The following STXBP5L variants were observed in gnomAD, a reference collection of about 807,000 sequenced individuals.
STXBP5L encodes the protein syntaxin-binding protein 5-like.
A neutral mutation model predicts 144.5 loss-of-function variants in STXBP5L; 65 were observed. That is an observed-to-expected ratio of 0.45 (90% CI 0.37 to 0.55). The LOEUF (loss-of-function observed/expected upper bound fraction) is 0.55. STXBP5L is among the 20% of genes least tolerant of loss of function. The pLI, the probability that STXBP5L is intolerant of heterozygous loss-of-function variation, is 0.00. For missense variants in STXBP5L, 1,298 were observed against 1,405.5 expected, an observed-to-expected ratio of 0.92 and a Z score of 1.22; for synonymous variants, 505 against 469.6, an observed-to-expected ratio of 1.08 and a Z score of -0.97.
Position 121,150,212 on chromosome 3 carries a change from G to C in STXBP5L, c.670-2265G>C, listed in dbSNP as rs150877325. On this transcript the variant is annotated intron_variant, in intron 7 of 26. Coordinates refer to ENST00000471454, the MANE Select transcript of STXBP5L (RefSeq NM_001308330.2). Reference sequence around the variant, plus strand: ...CTATTTTTTTCAGACACTAGTGTAGGTTCTAATGATATCATGGTGAAGAAG... The same window carrying C: ...CTATTTTTTTCAGACACTAGTGTAGCTTCTAATGATATCATGGTGAAGAAG... Among the ~76,000 whole-genome samples, 648 of 152,096 alleles carry C rather than the reference G, an allele frequency of 4.3e-3. 5 individuals carry two copies. The highest frequency in any genetic ancestry group is 0.015 in the African/African-American group (618 of 41,506).
chr3:120,940,262 A>G (rs1465186349), intron 2 of STXBP5L, among the ~76,000 whole-genome samples: 1 of 152,026 alleles, frequency 6.6e-6, no homozygotes, highest in African/African-American at 2.4e-5. Flanking sequence ...TACTCTGGGG[A>G]GAGAAGCTAG....
At position 120,954,966 on chromosome 3, in the gene STXBP5L, G is replaced by A. The variant is rs756672476; in HGVS notation, c.216G>A (p.Gln72=). The A allele has an allele frequency of 4.3e-6, 7 of 1,612,438 alleles. No individual in the cohort carries two copies. In the East Asian group the frequency reaches 1.6e-4, roughly 36 times the overall value. The change falls in exon 3 of 27, where the codon CAG becomes CAA. Residue 72 remains glutamine (Q), a synonymous_variant. Transcript: ENST00000471454. ...CKTVRHGFPH[Q]PTALAFDPVQ... ...CAGTTCGGCATGGTTTTCCTCATCAGCCCACAGCATTAGCCTTTGATCCAG... is the reference window on the plus strand; with the variant it reads ...CAGTTCGGCATGGTTTTCCTCATCAACCCACAGCATTAGCCTTTGATCCAG...
intron 2 of STXBP5L, among the ~76,000 whole-genome samples, chr3:120,951,278 G>T (rs1711203518): frequency 6.6e-6 from 1 of 152,074 alleles, no homozygotes; most frequent in African/African-American, 2.4e-5. Flanking sequence ...AAAAGCAATG[G>T]CAACAAAAGC....
At chr3:120,976,071 G>A (rs868629386) in intron 3 of STXBP5L, among the ~76,000 whole-genome samples, 1 of 152,156 alleles carries the variant, frequency 6.6e-6, no homozygotes, top group African/African-American at 2.4e-5. Context: ...AAATGAGTTA[G>A]GGAGGTTTTC....
intron 7 of STXBP5L, among the ~76,000 whole-genome samples, chr3:121,133,656 G>C (rs779715329): frequency 9.9e-5 from 15 of 152,172 alleles, no homozygotes; most frequent in Non-Finnish European, 2.1e-4. Context: ...GAAGCAAAAG[G>C]GAAGCAAGAT....
At chr3:121,024,454 A>T (rs538770749) in intron 3 of STXBP5L, among the ~76,000 whole-genome samples, 43 of 151,760 alleles carry the variant, frequency 2.8e-4, no homozygotes, top group Non-Finnish European at 4.7e-4. Context: ...AGATATCTCT[A>T]CTCTTGGTGT....
intron 5 of STXBP5L, among the ~76,000 whole-genome samples, chr3:121,071,565 G>T (rs2041813183): frequency 6.6e-6 from 1 of 152,174 alleles, no homozygotes; most frequent in Non-Finnish European, 1.5e-5. Context: ...CAGCTATGAT[G>T]AACCCAAGGT....
intron 20 of STXBP5L, among the ~76,000 whole-genome samples, chr3:121,348,358 C>T (rs1207598005): frequency 6.6e-6 from 1 of 152,114 alleles, no homozygotes; most frequent in Non-Finnish European, 1.5e-5. Flanking sequence ...ATTCGGTTTG[C>T]CAGTATTTTA....
intron 2 of STXBP5L, among the ~76,000 whole-genome samples, chr3:120,943,094 A>G (rs1478350699): frequency 6.6e-6 from 1 of 151,698 alleles, no homozygotes; most frequent in African/African-American, 2.4e-5. Context: ...TCCATGAAAA[A>G]GAAAAAGTAT....
In STXBP5L at chr3:121,117,001, C is replaced by T. The variant is rs72956077; in HGVS notation, c.605+1942C>T. On this transcript the variant is annotated intron_variant, in intron 6 of 26. Transcript: ENST00000471454. ...AATTTGTTATCTTAAGCAAATTAAA[C>T]ATTTCACCACTCTTGCAATGCTGTT... is the stretch of plus-strand genomic sequence containing the variant. Among the ~76,000 whole-genome samples the T allele has an allele frequency of 2.5e-3, 377 of 152,020 alleles. 2 individuals carry two copies. The highest frequency in any genetic ancestry group is 8.5e-3 in the African/African-American group (354 of 41,544).
chr3:121,051,190 A>G (rs969813336), intron 5 of STXBP5L, among the ~76,000 whole-genome samples: 112 of 152,292 alleles, frequency 7.4e-4, no homozygotes, highest in Middle Eastern at 3.4e-3. Context: ...ACAGAAAGTT[A>G]ACAAGGATAC....
rs567782073 is a variant in STXBP5L at position 121,182,045 on chromosome 3, A to G, written c.878-23878A>G. Among the ~76,000 whole-genome samples the G allele has an allele frequency of 8.3e-4, 126 of 152,318 alleles. 2 individuals carry two copies. Among genetic ancestry groups the G allele is most frequent in the Non-Finnish European group, 5.9e-5 (4 of 68,028 alleles). ...TGAAACAATTACTACTAGACCTAAGAAATGAGAGAGATGGCAACACAGTAA... is the reference window on the plus strand; with the variant it reads ...TGAAACAATTACTACTAGACCTAAGGAATGAGAGAGATGGCAACACAGTAA... On this transcript the variant is annotated intron_variant, in intron 9 of 26. Transcript: ENST00000471454.
At chr3:121,046,942 T>A (rs1947559132) in intron 5 of STXBP5L, among the ~76,000 whole-genome samples, 1 of 152,092 alleles carries the variant, frequency 6.6e-6, no homozygotes, top group African/African-American at 2.4e-5. Context: ...CTAGGTGTAA[T>A]GTTAGGTTGC....
chr3:121,016,215 C>G (rs962649732), intron 3 of STXBP5L, among the ~76,000 whole-genome samples: 3 of 152,006 alleles, frequency 2.0e-5, no homozygotes, highest in African/African-American at 7.3e-5. Flanking sequence ...ATTCCAAAGA[C>G]CAGAAAAAAT....
intron 2 of STXBP5L, among the ~76,000 whole-genome samples, chr3:120,938,481 T>C (rs745788055): frequency 2.6e-5 from 4 of 152,204 alleles, no homozygotes; most frequent in Admixed American, 6.5e-5. Flanking sequence ...GTTTTTGATA[T>C]ATGCGACCAA....
Position 120,921,002 on chromosome 3 carries a change from C to T in STXBP5L, c.189+11235C>T, listed in dbSNP as rs570083189. Reference sequence around the variant, plus strand: ...GATTTCCTTTCTTTTGAACATATACCGAGTAGTGCAATTGCTGGTTGTTCT... The same window carrying T: ...GATTTCCTTTCTTTTGAACATATACTGAGTAGTGCAATTGCTGGTTGTTCT... On this transcript the variant is annotated intron_variant, in intron 2 of 26. Transcript: ENST00000471454. Among the ~76,000 whole-genome samples, 10 of 151,684 alleles carry T rather than the reference C, an allele frequency of 6.6e-5. No homozygotes were observed. The South Asian group carries it at 8.3e-4, about 13-fold the overall frequency.
At chr3:121,188,529 C>T in intron 9 of STXBP5L, among the ~76,000 whole-genome samples, 1 of 151,214 alleles carries the variant, frequency 6.6e-6, no homozygotes, top group East Asian at 2.0e-4. Context: ...AGACCAATAT[C>T]CCTGATGAAC....
intron 5 of STXBP5L, among the ~76,000 whole-genome samples, chr3:121,064,476 A>G (rs1201808420): frequency 1.3e-5 from 2 of 152,126 alleles, no homozygotes; most frequent in African/African-American, 4.8e-5. Flanking sequence ...AAATTCCACA[A>G]ACACCCTTGT....
chr3:121,039,820 G>T (rs1198769483), intron 3 of STXBP5L, among the ~76,000 whole-genome samples: 2 of 151,732 alleles, frequency 1.3e-5, no homozygotes, highest in Non-Finnish European at 2.9e-5. Flanking sequence ...ATGGTGTGCT[G>T]TTCTTTCTCT....
Sources: gnomAD v4.1 joint callset for allele counts (sites outside exome capture counted in the v4.1 genomes callset) on GRCh38, gnomAD v4.1.1 for gene constraint, MANE v1.5 for transcripts, NCBI Gene and HGNC (gene_info 2026-07-23, HGNC 2026-07-21) for gene names.